The following PRMT3 variants were observed in gnomAD, a reference collection of about 807,000 sequenced individuals.
PRMT3 encodes protein arginine methyltransferase 3.
A neutral mutation model predicts 71.9 loss-of-function variants in PRMT3; 62 were observed. The ratio of observed to expected loss-of-function variants is 0.86; its 90% confidence interval spans 0.70 to 1.07. The LOEUF (loss-of-function observed/expected upper bound fraction) is 1.07, where lower values mean the gene tolerates loss of function less well. PRMT3 is among the 50% of genes least tolerant of loss of function. The probability of loss-of-function intolerance (pLI) is 0.00; values close to 1 mark genes in which losing one functional copy is unlikely to be tolerated. For synonymous variants in PRMT3, 213 were observed against 220.4 expected, an observed-to-expected ratio of 0.97 and a Z score of 0.30; for missense variants, 663 against 643.0, an observed-to-expected ratio of 1.03 and a Z score of -0.34.
intron 7 of PRMT3, among the ~76,000 whole-genome samples, chr11:20,400,206 A>G (rs1446541921): frequency 6.6e-6 from 1 of 152,170 alleles, no homozygotes; most frequent in Non-Finnish European, 1.5e-5. Flanking sequence ...TACAGGACAT[A>G]TTTTTATGCT....
chr11:20,442,596 C>T (rs988454792), intron 10 of PRMT3, among the ~76,000 whole-genome samples: 3 of 152,062 alleles, frequency 2.0e-5, no homozygotes, highest in African/African-American at 4.8e-5. Context: ...TCAGAAATCA[C>T]TTCATTATTC....
chr11:20,397,472 C>A, intron 6 of PRMT3, 105 bp from the exon 7 acceptor site: 2 of 1,088,608 alleles, frequency 1.8e-6, no homozygotes, highest in Non-Finnish European at 2.7e-6. Context: ...TTAGAAGACT[C>A]ATCACACTGT....
At position 20,491,697 on chromosome 11, in the gene PRMT3, G is replaced by C. The variant is rs762655103; in HGVS notation, c.1348-2222G>C. 3.3e-5 allele frequency among the ~76,000 whole-genome samples: 5 copies of C among 152,178 alleles called. No homozygotes were observed. In the East Asian group the frequency reaches 9.6e-4, roughly 29 times the overall value. ...TGGTTTCGGTTTTTTTTCCATGCAT[G>C]TTTTATCCAGAGGTTAATCCTGAGA... is the stretch of plus-strand genomic sequence containing the variant. On this transcript the variant is annotated intron_variant, in intron 13 of 15. Transcript: ENST00000331079.
intron 10 of PRMT3, among the ~76,000 whole-genome samples, chr11:20,445,323 TGAAA>T (rs1402113061): frequency 1.2e-4 from 18 of 152,220 alleles, no homozygotes; most frequent in African/African-American, 3.6e-4. Flanking sequence ...TTGCAAGATA[TGAAA>T]GAGTTTATAT....
Position 20,508,543 on chromosome 11 carries a change from AGAG to A in PRMT3, c.*131_*133del, listed in dbSNP as rs1286696000. The A allele has an allele frequency of 1.4e-6, 1 of 727,010 alleles. No homozygotes were observed. Among genetic ancestry groups the A allele is most frequent in the African/African-American group, 1.7e-5 (1 of 57,598 alleles). 45.0% of individuals were successfully genotyped at this position (727,010 alleles called of 1,614,324 possible). ...TTTCCTAATGAGCCTCCTCAATAAG[AGAG>A]AAGTTCTCATTGTGGGAATCTGACA... On this transcript the variant is annotated 3_prime_UTR_variant, in exon 16 of 16. Transcript: ENST00000331079.
At chr11:20,462,536 C>T (rs1330085224) in intron 12 of PRMT3, among the ~76,000 whole-genome samples, 2 of 152,114 alleles carry the variant, frequency 1.3e-5, no homozygotes. Context: ...ATTATTCATT[C>T]GTGTCATATA....
intron 13 of PRMT3, among the ~76,000 whole-genome samples, chr11:20,482,570 C>T (rs1850964181): frequency 6.6e-6 from 1 of 152,036 alleles, no homozygotes. Context: ...TGTCAATTAA[C>T]ATTATTAGAT....
At chr11:20,469,052 C>T (rs1337666282) in intron 13 of PRMT3, among the ~76,000 whole-genome samples, 1 of 152,106 alleles carries the variant, frequency 6.6e-6, no homozygotes, top group Non-Finnish European at 1.5e-5. Context: ...AGTACTGGTA[C>T]CACATAGCAG....
intron 13 of PRMT3, among the ~76,000 whole-genome samples, chr11:20,483,439 G>A (rs1007435388): frequency 1.3e-5 from 2 of 151,850 alleles, no homozygotes; most frequent in Non-Finnish European, 2.9e-5. Context: ...TGGAATATAA[G>A]GAAACAGTAA....
At chr11:20,489,080 T>C (rs1851146884) in intron 13 of PRMT3, among the ~76,000 whole-genome samples, 1 of 152,198 alleles carries the variant, frequency 6.6e-6, no homozygotes, top group African/African-American at 2.4e-5. Flanking sequence ...GATCAAGCTA[T>C]CCCAGAAATT....
At chr11:20,453,318 TA>T (rs35130616) in intron 11 of PRMT3, among the ~76,000 whole-genome samples, 10,283 of 96,780 alleles carry the variant, frequency 0.11, 431 homozygotes, top group East Asian at 0.21. Flanking sequence ...CCGTCTTTAC[TA>T]AAAAAAAAAA....
intron 15 of PRMT3, among the ~76,000 whole-genome samples, chr11:20,501,618 A>G (rs1851459414): frequency 6.6e-6 from 1 of 152,198 alleles, no homozygotes; most frequent in African/African-American, 2.4e-5. Context: ...TAGTTTGGAA[A>G]AATTACTGTA....
chr11:20,507,965 G>A (rs1233698261), intron 15 of PRMT3, among the ~76,000 whole-genome samples: 3 of 151,542 alleles, frequency 2.0e-5, no homozygotes, highest in African/African-American at 7.3e-5. Context: ...AATTAGCTGG[G>A]CATGGTGGCA....
chr11:20,424,481 G>A (rs1849498727), intron 9 of PRMT3, among the ~76,000 whole-genome samples: 1 of 152,150 alleles, frequency 6.6e-6, no homozygotes, highest in Non-Finnish European at 1.5e-5. Context: ...TTGATAGTCT[G>A]TCCAACAAAG....
At chr11:20,402,850 T>C in intron 7 of PRMT3, 69 bp from the exon 8 acceptor site, 1 of 1,253,554 alleles carries the variant, frequency 8.0e-7, no homozygotes, top group Non-Finnish European at 1.2e-6. Flanking sequence ...ATATGGCAAA[T>C]ATCTCCCTTA....
intron 13 of PRMT3, among the ~76,000 whole-genome samples, chr11:20,478,696 G>A (rs1850856837): frequency 6.6e-6 from 1 of 152,090 alleles, no homozygotes; most frequent in Admixed American, 6.6e-5. Context: ...TCAAACCAGT[G>A]ATCTCTTAGT....
At chr11:20,422,696 A>G (rs914862728) in intron 9 of PRMT3, among the ~76,000 whole-genome samples, 1 of 152,114 alleles carries the variant, frequency 6.6e-6, no homozygotes, top group Non-Finnish European at 1.5e-5. Context: ...TAAAAAAATT[A>G]TTTAGGCTTT....
chr11:20,439,984 G>C (rs555305089), intron 10 of PRMT3, among the ~76,000 whole-genome samples: 4 of 152,270 alleles, frequency 2.6e-5, no homozygotes, highest in African/African-American at 9.6e-5. Context: ...GGTAAAGGTG[G>C]TACTACAGAG....
intron 13 of PRMT3, among the ~76,000 whole-genome samples, chr11:20,492,596 C>A (rs1029555591): frequency 6.6e-6 from 1 of 152,044 alleles, no homozygotes; most frequent in African/African-American, 2.4e-5. Flanking sequence ...CATGATTTTT[C>A]AAAAAATCAG....
Sources: allele counts gnomAD v4.1 joint callset (sites outside exome capture counted in the v4.1 genomes callset), GRCh38; gene constraint gnomAD v4.1.1; transcripts MANE v1.5; gene names NCBI Gene and HGNC (gene_info 2026-07-23, HGNC 2026-07-21).